SHROOM3: variants seen among roughly 807,000 people sequenced by gnomAD.
SHROOM3 encodes the protein shroom family member 3.
SHROOM3 carries 47 observed loss-of-function variants against 138.6 expected under a neutral mutation model. The ratio of observed to expected loss-of-function variants is 0.34; its 90% CI spans 0.27 to 0.43. SHROOM3 has a LOEUF of 0.43. Among genes scored for constraint, SHROOM3 ranks in the 20% least tolerant of loss-of-function variants. The probability of loss-of-function intolerance (pLI) is 1.00; values close to 1 mark genes in which losing one functional copy is unlikely to be tolerated. For synonymous variants in SHROOM3, 1,062 were observed against 1,063.3 expected, an observed-to-expected ratio of 1.00 and a Z score of 0.02; for missense variants, 2,491 against 2,596.5, an observed-to-expected ratio of 0.96 and a Z score of 0.88.
Position 76,741,842 on chromosome 4 carries a change from G to T in SHROOM3, c.3669G>T (p.Glu1223Asp). ...GARAGKSMSA[E>D]DLLERSDVLA... ...GGGCCGGGAAGTCCATGTCGGCCGA[G>T]GACCTGCTGGAACGCTCGGACGTCC... The change falls in exon 5 of 11, where the codon GAG becomes GAT. Residue 1223 changes from glutamate (E) to aspartate (D), a missense_variant. Glu to Asp is a conservative substitution (Grantham distance 45, BLOSUM62 2). Coordinates refer to ENST00000296043, the MANE Select transcript of SHROOM3 (RefSeq NM_020859.4). The surrounding 1 kb of genome is among the most constrained non-coding windows in gnomAD (Gnocchi z 6.2). The T allele has an allele frequency of 6.2e-7, 1 of 1,605,766 alleles. No homozygotes were observed.
In SHROOM3 at chr4:76,649,778, G is replaced by A. The variant is rs1188266298; in HGVS notation, c.324-60378G>A. ...GTCCTGTGGTGGACAATTGTTAGGT[G>A]ATTGCTGTGATTGTAATTAGCACAA... On this transcript the variant is annotated intron_variant, in intron 2 of 10. Transcript: ENST00000296043. Among the ~76,000 whole-genome samples, 6 of 152,192 alleles carry A rather than the reference G, an allele frequency of 3.9e-5. No homozygotes were observed. In the South Asian group the frequency reaches 8.3e-4, roughly 21 times the overall value.
At chr4:76,560,419 C>G (rs1733575114) in intron 2 of SHROOM3, among the ~76,000 whole-genome samples, 1 of 151,984 alleles carries the variant, frequency 6.6e-6, no homozygotes, top group Non-Finnish European at 1.5e-5. Context: ...ATATTTTTAC[C>G]CTGAGTTCAG....
At chr4:76,444,115 A>G (rs4560438) in intron 1 of SHROOM3, among the ~76,000 whole-genome samples, 3,064 of 151,858 alleles carry the variant, frequency 0.02, 104 homozygotes, top group African/African-American at 0.067. Context: ...GGGTTTTGCT[A>G]TGTTTCCCAG....
intron 1 of SHROOM3, among the ~76,000 whole-genome samples, chr4:76,554,564 T>C (rs1733440288): frequency 6.6e-6 from 1 of 151,792 alleles, no homozygotes. Context: ...GGACTACAGG[T>C]GCCTGCCACC....
intron 1 of SHROOM3, among the ~76,000 whole-genome samples, chr4:76,477,217 A>G (rs6831423): frequency 9.2e-5 from 14 of 151,782 alleles, no homozygotes; most frequent in South Asian, 4.2e-4. Context: ...TCCACCCCCC[A>G]CTCGGCCTCC....
In SHROOM3 at chr4:76,741,058, C is replaced by T. The variant is rs1456499841; in HGVS notation, c.2885C>T (p.Ser962Phe). 2.0e-6 allele frequency: 3 copies of T among 1,506,022 alleles called. No homozygotes were observed. Among genetic ancestry groups the T allele is most frequent in the Non-Finnish European group, 1.8e-6 (2 of 1,131,306 alleles). The allele number at this position is 1,506,022 out of a possible 1,614,324, so 93.3% of individuals were successfully genotyped here. Residue 962 changes from serine to phenylalanine, a missense_variant, in exon 5 of 11, where the codon TCC becomes TTC. By Grantham distance (155) the Ser-to-Phe change is radical. This residue lies in a region of SHROOM3 where 1,733 missense variants were observed against 1,661.6 expected (regional missense o/e 1.04). Transcript: ENST00000296043. This position sits in a 1 kb window ranked among gnomAD's most constrained non-coding sequence, Gnocchi z 6.2. Reference sequence around the variant, plus strand: ...TCGAGGTCCTGGCGGCCACGGCCTTCCTCGGCCCACGTGGGGCTGCGGAGC... The same window carrying T: ...TCGAGGTCCTGGCGGCCACGGCCTTTCTCGGCCCACGTGGGGCTGCGGAGC... ...VASRSWRPRP[S>F]SAHVGLRSPE...
chr4:76,770,356 AGAC>A (rs1261782202), intron 9 of SHROOM3, among the ~76,000 whole-genome samples: 32 of 148,562 alleles, frequency 2.2e-4, no homozygotes, highest in African/African-American at 4.4e-4. Flanking sequence ...AAAAAACAGA[AGAC>A]AAAGCTGTAC....
In SHROOM3 at chr4:76,617,955, G is replaced by A. The variant is rs535744008; in HGVS notation, c.323+62192G>A. Among the ~76,000 whole-genome samples, 9 of 152,284 alleles carry A rather than the reference G, an allele frequency of 5.9e-5. No homozygotes were observed. In the South Asian group the frequency reaches 1.9e-3, roughly 32 times the overall value. ...ATCTATCTCCACATTGGTATGATTTGAGCTGAGCTTAGAAACAAGATGCTG... is the reference window on the plus strand; with the variant it reads ...ATCTATCTCCACATTGGTATGATTTAAGCTGAGCTTAGAAACAAGATGCTG... On this transcript the variant is annotated intron_variant, in intron 2 of 10. Transcript: ENST00000296043.
intron 1 of SHROOM3, among the ~76,000 whole-genome samples, chr4:76,473,140 C>A (rs1201851101): frequency 6.6e-6 from 1 of 152,050 alleles, no homozygotes; most frequent in Non-Finnish European, 1.5e-5. Flanking sequence ...AAAAAAAGCA[C>A]AAGCAATCAA....
intron 1 of SHROOM3, among the ~76,000 whole-genome samples, chr4:76,527,002 G>A (rs1357635645): frequency 6.6e-6 from 1 of 152,180 alleles, no homozygotes; most frequent in South Asian, 2.1e-4. Context: ...AATAAGGAAT[G>A]TTCCAGCCAC....
intron 1 of SHROOM3, among the ~76,000 whole-genome samples, chr4:76,469,718 A>G (rs1244807049): frequency 2.0e-5 from 3 of 152,184 alleles, no homozygotes; most frequent in Non-Finnish European, 2.9e-5. Context: ...TGGCCTCCCA[A>G]AGTGCTGGGA....
intron 1 of SHROOM3, among the ~76,000 whole-genome samples, chr4:76,520,881 C>G (rs1184076550): frequency 9.2e-5 from 14 of 152,228 alleles, no homozygotes. Context: ...CCAATCAGAT[C>G]AATCACCACA....
At chr4:76,532,058 TC>T (rs1258069153) in intron 1 of SHROOM3, among the ~76,000 whole-genome samples, 1 of 67,740 alleles carries the variant, frequency 1.5e-5, no homozygotes, top group East Asian at 4.7e-4. Context: ...CCCTCCCCCC[TC>T]CCCCCATCCC....
intron 2 of SHROOM3, among the ~76,000 whole-genome samples, chr4:76,571,271 CA>C (rs1467844533): frequency 6.6e-6 from 1 of 152,200 alleles, no homozygotes; most frequent in East Asian, 1.9e-4. Context: ...CTATCTGATA[CA>C]AAAGCCCAAG....
At chr4:76,468,906 C>T (rs188915775) in intron 1 of SHROOM3, among the ~76,000 whole-genome samples, 23 of 151,914 alleles carry the variant, frequency 1.5e-4, no homozygotes, top group East Asian at 5.8e-4. Context: ...TGGTGGCAGG[C>T]GACTGTAGTC....
intron 2 of SHROOM3, among the ~76,000 whole-genome samples, chr4:76,659,580 G>A (rs1736139942): frequency 6.6e-6 from 1 of 152,160 alleles, no homozygotes; most frequent in Non-Finnish European, 1.5e-5. Flanking sequence ...GCTTTCAGAA[G>A]CATTTATTTA....
chr4:76,687,050 G>T (rs1719363035), intron 2 of SHROOM3, among the ~76,000 whole-genome samples: 1 of 152,116 alleles, frequency 6.6e-6, no homozygotes, highest in Non-Finnish European at 1.5e-5. Context: ...CTTTGGCGAA[G>T]GAAAGGGAGC....
intron 1 of SHROOM3, among the ~76,000 whole-genome samples, chr4:76,473,703 C>A (rs1731425046): frequency 6.6e-6 from 1 of 152,200 alleles, no homozygotes; most frequent in South Asian, 2.1e-4. Flanking sequence ...GGTCAATAAG[C>A]ACATGAAAAG....
intron 2 of SHROOM3, among the ~76,000 whole-genome samples, chr4:76,657,493 C>T (rs928874179): frequency 1.3e-5 from 2 of 152,112 alleles, no homozygotes; most frequent in Non-Finnish European, 2.9e-5. Context: ...CTTAACTTGT[C>T]CCTGAATATG....
Sources: gnomAD v4.1 joint callset for allele counts (sites outside exome capture counted in the v4.1 genomes callset) on GRCh38, gnomAD v4.1.1 for gene constraint, gnomAD v4.1.1 regional missense constraint, Gnocchi (gnomAD v3.1) non-coding constraint, MANE v1.5 for transcripts, NCBI Gene and HGNC (gene_info 2026-07-23, HGNC 2026-07-21) for gene names.